Variants in SMARCA1 observed in about 807,000 individuals in gnomAD.
SMARCA1 encodes the protein SNF2 related chromatin remodeling ATPase 1.
In SMARCA1, 17 loss-of-function variants were observed where a neutral mutation model predicts 93.6. The ratio of observed to expected loss-of-function variants is 0.18; its 90% CI spans 0.12 to 0.27. SMARCA1 has a LOEUF of 0.27. Among genes scored for constraint, SMARCA1 ranks in the 10% least tolerant of loss-of-function variants. The pLI, the probability that SMARCA1 is intolerant of heterozygous loss-of-function variation, is 1.00. For missense variants in SMARCA1, 630 were observed against 819.0 expected, an observed-to-expected ratio of 0.77 and a Z score of 2.82; for synonymous variants, 271 against 271.4, an observed-to-expected ratio of 1.00 and a Z score of 0.01.
intron 19 of SMARCA1, among the ~76,000 whole-genome samples, chrX:129,476,911 A>AG (rs1347993518): frequency 1.8e-5 from 2 of 112,088 alleles, no homozygotes; most frequent in Non-Finnish European, 3.8e-5. Context: ...ACCCAATTAA[A>AG]GAACCCACCT....
At chrX:129,453,771 A>G (rs1932434232) in intron 23 of SMARCA1, among the ~76,000 whole-genome samples, 2 of 111,527 alleles carry the variant, frequency 1.8e-5, no homozygotes, top group African/African-American at 6.5e-5. Context: ...ACTACAAACC[A>G]CTCCTCAAGA....
At chrX:129,512,048 GA>G (rs1384094806) in intron 5 of SMARCA1, 65 bp from the exon 6 acceptor site, 10 of 878,893 alleles carry the variant, frequency 1.1e-5, no homozygotes, top group African/African-American at 2.0e-5. Context: ...ATTTTGTTAG[GA>G]ACAACATAAC....
At chrX:129,492,219 T>C (rs1239777884) in intron 13 of SMARCA1, 126 bp from the exon 14 acceptor site, 1 of 414,503 alleles carries the variant, frequency 2.4e-6, no homozygotes, top group African/African-American at 2.5e-5. Flanking sequence ...CTTTATAATA[T>C]TCCTTATAAA....
intron 6 of SMARCA1, among the ~76,000 whole-genome samples, chrX:129,509,187 T>TC (rs1934936882): frequency 2.6e-5 from 2 of 76,334 alleles, no homozygotes; most frequent in East Asian, 8.3e-4. Flanking sequence ...AGAGTCCGTC[T>TC]CAAAAAAAAA....
At chrX:129,521,343 G>C (rs1180655728) in intron 1 of SMARCA1, among the ~76,000 whole-genome samples, 1 of 111,784 alleles carries the variant, frequency 8.9e-6, no homozygotes, top group Non-Finnish European at 1.9e-5. Flanking sequence ...TGCACTTTTA[G>C]TATGCAATTT....
At position 129,508,110 on chromosome X, in the gene SMARCA1, A is replaced by C. The variant is rs763992735; in HGVS notation, c.811-14T>G. On this transcript the variant is annotated splice_polypyrimidine_tract_variant and intron_variant, in intron 6 of 24. Coordinates refer to ENST00000371121, the MANE Select transcript of SMARCA1 (RefSeq NM_001282874.2). ...AATAAAAGCAGCCTAATGCAAAATA[A>C]AATACTTCATATTAGAATATATTTA... The C allele has an allele frequency of 2.0e-6, 2 of 1,023,032 alleles. No individual in the cohort carries two copies. The highest frequency in any genetic ancestry group is 2.7e-6 in the Non-Finnish European group (2 of 751,493). 84.3% of individuals were successfully genotyped at this position (1,023,032 alleles called of 1,213,427 possible).
At chrX:129,477,608 C>T (rs956168800) in intron 19 of SMARCA1, among the ~76,000 whole-genome samples, 9 of 111,227 alleles carry the variant, frequency 8.1e-5, no homozygotes, top group African/African-American at 3.0e-4. Context: ...TTGTATGACC[C>T]TGAGCAAATT....
chrX:129,500,137 A>AAAAG (rs1556310905), intron 9 of SMARCA1, among the ~76,000 whole-genome samples: 2 of 109,642 alleles, frequency 1.8e-5, no homozygotes, highest in African/African-American at 6.6e-5. Context: ...AAAAAAAAAA[A>AAAAG]AAGAAGCTGC....
chrX:129,488,286 CAAAAAAAAA>C (rs34476497), intron 16 of SMARCA1, among the ~76,000 whole-genome samples: 1 of 46,700 alleles, frequency 2.1e-5, no homozygotes, highest in Non-Finnish European at 4.3e-5. Context: ...TAGTCCAGTG[CAAAAAAAAA>C]AAAAAAAAAA....
chrX:129,454,090 A>G (rs1428608005), intron 23 of SMARCA1, among the ~76,000 whole-genome samples: 2 of 111,912 alleles, frequency 1.8e-5, no homozygotes, highest in Non-Finnish European at 3.8e-5. Flanking sequence ...GTACCAAAAC[A>G]GATATATAGA....
rs779395833 is a variant in SMARCA1, at chrX:129,518,467, A to G, written c.175-20T>C. The G allele has an allele frequency of 4.8e-6, 5 of 1,040,573 alleles. No homozygotes were observed. Among genetic ancestry groups the G allele is most frequent in the Admixed American group, 2.4e-5 (1 of 42,452 alleles). The allele number at this position is 1,040,573 out of a possible 1,213,427, so 85.8% of individuals were successfully genotyped here. On this transcript the variant is annotated intron_variant, in intron 1 of 24. Coordinates refer to ENST00000371121, the MANE Select transcript of SMARCA1 (RefSeq NM_001282874.2). ...GTTTTTCTAGAATTTCAAAGAAAAT[A>G]AATGTCACCAAATTGCAAAGCAAGG... is the stretch of plus-strand genomic sequence containing the variant.
intron 9 of SMARCA1, among the ~76,000 whole-genome samples, chrX:129,501,555 C>G (rs1173062579): frequency 9.1e-6 from 1 of 110,127 alleles, no homozygotes; most frequent in Non-Finnish European, 1.9e-5. Context: ...CTCGACCTCC[C>G]AAAGTGCTAG....
intron 21 of SMARCA1, among the ~76,000 whole-genome samples, chrX:129,466,260 A>AGCTAG (rs1334593507): frequency 8.9e-6 from 1 of 111,856 alleles, no homozygotes; most frequent in Non-Finnish European, 1.9e-5. Context: ...TACTGATTTA[A>AGCTAG]GCTAGGCTTT....
In SMARCA1 at chrX:129,501,074, A is replaced by G. The variant is rs762240255; in HGVS notation, c.1168-1233T>C. ...ACTTTACATGTATTATTTAATCCTT[A>G]CGATAAATCTGAAAGAAATGTTATC... On this transcript the variant is annotated intron_variant, in intron 9 of 24. Transcript: ENST00000371121. 2.7e-5 allele frequency among the ~76,000 whole-genome samples: 3 copies of G among 112,053 alleles called. No individual in the cohort carries two copies. In the East Asian group the frequency reaches 8.4e-4, roughly 31 times the overall value.
At position 129,486,254 on chromosome X, in the gene SMARCA1, C is replaced by T. The variant is rs1933878167; in HGVS notation, c.2217+764G>A. On this transcript the variant is annotated intron_variant, in intron 17 of 24. Transcript: ENST00000371121. ...GTCCTTTTCCTGGCACAGGAAAGGA[C>T]ATTAGGAGAAAAACTGGTGTTAATT... Among the ~76,000 whole-genome samples, 2 of 109,518 alleles carry T rather than the reference C, an allele frequency of 1.8e-5. 1 individual carries two copies. Among genetic ancestry groups the T allele is most frequent in the South Asian group, 7.9e-4 (2 of 2,522 alleles).
intron 23 of SMARCA1, among the ~76,000 whole-genome samples, chrX:129,454,486 A>G (rs912608281): frequency 8.9e-6 from 1 of 112,135 alleles, no homozygotes; most frequent in Admixed American, 9.5e-5. Flanking sequence ...AAAAGAAACT[A>G]TCATCAGAGT....
chrX:129,499,192 A>G (rs1226760826), intron 10 of SMARCA1, among the ~76,000 whole-genome samples: 2 of 110,978 alleles, frequency 1.8e-5, no homozygotes, highest in Non-Finnish European at 3.8e-5. Context: ...TGTGTGCCAC[A>G]ATGCCCAGCT....
intron 1 of SMARCA1, among the ~76,000 whole-genome samples, chrX:129,522,446 C>T (rs1247770140): frequency 3.1e-5 from 3 of 95,341 alleles, no homozygotes; most frequent in Non-Finnish European, 6.1e-5. Flanking sequence ...AACCCTATAC[C>T]GTCGGGGGCG....
At chrX:129,488,845 C>T in intron 16 of SMARCA1, 92 bp downstream of exon 16, 2 of 533,453 alleles carry the variant, frequency 3.7e-6, no homozygotes, top group South Asian at 3.5e-5. Context: ...GTAGATAATG[C>T]AGATAAACAT....
Sources: allele counts gnomAD v4.1 joint callset (sites outside exome capture counted in the v4.1 genomes callset), GRCh38; gene constraint gnomAD v4.1.1; transcripts MANE v1.5; gene names NCBI Gene and HGNC (gene_info 2026-07-23, HGNC 2026-07-21).